Variants in BICC1 observed in about 807,000 individuals in gnomAD.
The protein encoded by BICC1 is BicC family RNA binding protein 1.
Under a neutral mutation model 111.0 loss-of-function variants are expected in BICC1, and 43 were observed. The ratio of observed to expected loss-of-function variants is 0.39; its 90% CI spans 0.30 to 0.50. The LOEUF (loss-of-function observed/expected upper bound fraction) is 0.50. BICC1 is among the 20% of genes least tolerant of loss of function. The pLI, the probability that BICC1 is intolerant of heterozygous loss-of-function variation, is 0.88. For synonymous variants in BICC1, 467 were observed against 434.4 expected (o/e 1.07, Z -0.93); for missense variants, 1,091 against 1,203.2 (o/e 0.91, Z 1.38).
intron 2 of BICC1, among the ~76,000 whole-genome samples, chr10:58,641,721 G>A (rs1262033971): frequency 6.6e-6 from 1 of 152,162 alleles, no homozygotes; most frequent in African/African-American, 2.4e-5. Context: ...GGTTAACAAT[G>A]TGGTTATATA....
chr10:58,720,692 G>T (rs1024833608), intron 3 of BICC1, among the ~76,000 whole-genome samples: 1 of 152,214 alleles, frequency 6.6e-6, no homozygotes, highest in Non-Finnish European at 1.5e-5. Context: ...GAGGAGATCG[G>T]TGACAGCCGG....
chr10:58,786,774 A>C (rs906845247), intron 4 of BICC1, 149 bp from the exon 5 acceptor site: 1 of 430,258 alleles, frequency 2.3e-6, no homozygotes, highest in Middle Eastern at 5.7e-4. Context: ...ATAGCAGGAG[A>C]ACACTTATAG....
intron 1 of BICC1, among the ~76,000 whole-genome samples, chr10:58,534,354 AG>A (rs1443670071): frequency 6.6e-6 from 1 of 151,714 alleles, no homozygotes; most frequent in Non-Finnish European, 1.5e-5. Context: ...AGTGGGCGGC[AG>A]CCTATACTGT....
At chr10:58,714,500 C>T (rs1171350540) in intron 3 of BICC1, among the ~76,000 whole-genome samples, 1 of 152,078 alleles carries the variant, frequency 6.6e-6, no homozygotes, top group African/African-American at 2.4e-5. Context: ...CACGTTATGC[C>T]TTTGTGCCTG....
At chr10:58,623,810 C>T (rs1845901889) in intron 2 of BICC1, among the ~76,000 whole-genome samples, 1 of 152,072 alleles carries the variant, frequency 6.6e-6, no homozygotes, top group East Asian at 1.9e-4. Flanking sequence ...GAATGTGGCA[C>T]CTGTCACTTC....
chr10:58,578,574 G>A (rs1178733700), intron 1 of BICC1, among the ~76,000 whole-genome samples: 2 of 152,176 alleles, frequency 1.3e-5, no homozygotes, highest in Non-Finnish European at 2.9e-5. Flanking sequence ...TAAGCACAGT[G>A]GATATGATTG....
chr10:58,611,422 C>A (rs922110399), intron 1 of BICC1, among the ~76,000 whole-genome samples: 2 of 151,296 alleles, frequency 1.3e-5, no homozygotes, highest in Non-Finnish European at 2.9e-5. Flanking sequence ...TATATGTACA[C>A]GTACAGACTT....
At chr10:58,692,052 A>G (rs1839925178) in intron 2 of BICC1, among the ~76,000 whole-genome samples, 1 of 152,124 alleles carries the variant, frequency 6.6e-6, no homozygotes, top group South Asian at 2.1e-4. Context: ...TATGTGCTAG[A>G]TTCTAAGGGT....
At chr10:58,764,212 CTTAA>C (rs1234716990) in intron 3 of BICC1, among the ~76,000 whole-genome samples, 1 of 152,132 alleles carries the variant, frequency 6.6e-6, no homozygotes, top group Non-Finnish European at 1.5e-5. Context: ...CTTTTGAAAG[CTTAA>C]TTAGACAAAT....
intron 3 of BICC1, among the ~76,000 whole-genome samples, chr10:58,733,438 C>A (rs1031983920): frequency 6.6e-6 from 1 of 152,218 alleles, no homozygotes; most frequent in Non-Finnish European, 1.5e-5. Context: ...TAGCTTTATG[C>A]TCAGAGAACA....
chr10:58,790,637 C>T (rs1356150738), intron 8 of BICC1, among the ~76,000 whole-genome samples: 1 of 151,994 alleles, frequency 6.6e-6, no homozygotes, highest in African/African-American at 2.4e-5. Context: ...ACCAGCCTGG[C>T]CAACATAGTG....
At chr10:58,809,180 G>A (rs1398525992) in intron 17 of BICC1, among the ~76,000 whole-genome samples, 2 of 150,436 alleles carry the variant, frequency 1.3e-5, no homozygotes, top group Non-Finnish European at 1.5e-5. Flanking sequence ...GCGCCACAAC[G>A]CTCAGCTAAG....
At chr10:58,596,235 C>G (rs531336762) in intron 1 of BICC1, among the ~76,000 whole-genome samples, 1 of 152,116 alleles carries the variant, frequency 6.6e-6, no homozygotes, top group South Asian at 2.1e-4. Flanking sequence ...GGCTTTGCCC[C>G]TGGGATGCAA....
chr10:58,812,157 G>A (rs1843927585), intron 17 of BICC1, among the ~76,000 whole-genome samples: 1 of 152,122 alleles, frequency 6.6e-6, no homozygotes, highest in Non-Finnish European at 1.5e-5. Context: ...CCTTAGGGAG[G>A]CAGTTGGGAC....
rs979966869 is a variant in BICC1, at chr10:58,737,560, G to A, written c.307+35417G>A. 2.0e-5 allele frequency among the ~76,000 whole-genome samples: 3 copies of A among 152,108 alleles called. No individual in the cohort carries two copies. In the South Asian group the frequency reaches 6.2e-4, roughly 32 times the overall value. On this transcript the variant is annotated intron_variant, in intron 3 of 20. Transcript: ENST00000373886. ...TGTGAATAGTGCCACAATAAACATA[G>A]GTGTGCATGTGTCTTTATAGCAGCA...
chr10:58,718,356 C>G (rs1018616875), intron 3 of BICC1, among the ~76,000 whole-genome samples: 1 of 152,108 alleles, frequency 6.6e-6, no homozygotes, highest in African/African-American at 2.4e-5. Context: ...GAGGATGCAG[C>G]CCTTATGACT....
intron 2 of BICC1, among the ~76,000 whole-genome samples, chr10:58,653,793 C>G (rs567294099): frequency 4.6e-4 from 68 of 148,432 alleles, no homozygotes; most frequent in African/African-American, 1.7e-3. Context: ...AACTCGTCAT[C>G]TAGCATTAGG....
intron 20 of BICC1, among the ~76,000 whole-genome samples, 167 bp from the exon 21 acceptor site, chr10:58,828,594 A>G (rs1844465596): frequency 6.6e-6 from 1 of 152,144 alleles, no homozygotes; most frequent in African/African-American, 2.4e-5. Context: ...ACTTTCTAGT[A>G]TTTCAGAAAT....
chr10:58,685,752 A>G lies in BICC1; in HGVS notation c.238-16322A>G, dbSNP rs531824680. Among the ~76,000 whole-genome samples, 73 of 152,246 alleles carry G rather than the reference A, an allele frequency of 4.8e-4. 1 individual carries two copies. In the South Asian group the frequency reaches 0.014, roughly 29 times the overall value. ...CCCTCCATCCCTTTATTTTGAGCCTATGTGTGTCTCTGCACATGAGATGGG... is the reference window on the plus strand; with the variant it reads ...CCCTCCATCCCTTTATTTTGAGCCTGTGTGTGTCTCTGCACATGAGATGGG... On this transcript the variant is annotated intron_variant, in intron 2 of 20. Transcript: ENST00000373886.
Sources: gnomAD v4.1 joint callset for allele counts (sites outside exome capture counted in the v4.1 genomes callset) on GRCh38, gnomAD v4.1.1 for gene constraint, MANE v1.5 for transcripts, NCBI Gene and HGNC (gene_info 2026-07-23, HGNC 2026-07-21) for gene names.